The following ADGRG6 variants were observed in gnomAD, a reference collection of about 807,000 sequenced individuals.
The protein encoded by ADGRG6 is G-protein coupled receptor 126.
In ADGRG6, 84 loss-of-function variants were observed where a neutral mutation model predicts 142.4. The ratio of observed to expected loss-of-function variants is 0.59; its 90% CI spans 0.49 to 0.71. The LOEUF (loss-of-function observed/expected upper bound fraction) is 0.71, where lower values mean the gene tolerates loss of function less well. Ranked by LOEUF, ADGRG6 falls within the 30% of genes least tolerant of loss-of-function variation. The pLI is 0.00. For missense variants in ADGRG6, 1,367 were observed against 1,466.6 expected (o/e 0.93, Z 1.11); for synonymous variants, 521 against 520.5 (o/e 1.00, Z -0.01).
chr6:142,395,691 C>G (rs965130742), intron 9 of ADGRG6, among the ~76,000 whole-genome samples: 2 of 152,096 alleles, frequency 1.3e-5, no homozygotes, highest in Non-Finnish European at 2.9e-5. Context: ...GGTATGAACT[C>G]TTGCCATTAT....
At position 142,411,409 on chromosome 6, in the gene ADGRG6, A is replaced by T. The variant is rs747636352; in HGVS notation, c.2539A>T (p.Met847Leu). The T allele has an allele frequency of 6.7e-7, 1 of 1,494,616 alleles. No homozygotes were observed. The highest frequency in any genetic ancestry group is 9.3e-7 in the Non-Finnish European group (1 of 1,071,274). The allele number at this position is 1,494,616 out of a possible 1,614,324, so 92.6% of individuals were successfully genotyped here. ...CCACTTCACACACTTTGGAGTTCTG[A>T]TGGTAAGGGGGGAATTTCTAAGCTC... ...CNHFTHFGVLMDLPRSASQLD... is the reference protein window; with the variant it reads ...CNHFTHFGVLLDLPRSASQLD... The change falls in exon 18 of 25, where the codon ATG becomes TTG. Residue 847 changes from methionine (M) to leucine (L), a missense_variant and splice_region_variant. Coordinates refer to ENST00000367609, the MANE Select transcript of ADGRG6 (RefSeq NM_198569.3).
chr6:142,396,325 A>G (rs2114994317), intron 9 of ADGRG6, among the ~76,000 whole-genome samples: 1 of 152,304 alleles, frequency 6.6e-6, no homozygotes, highest in East Asian at 1.9e-4. Flanking sequence ...TGTTTGCCTC[A>G]TCCTGAAATA....
chr6:142,414,684 T>C (rs905804186), intron 18 of ADGRG6, among the ~76,000 whole-genome samples: 8 of 152,212 alleles, frequency 5.3e-5, no homozygotes, highest in Non-Finnish European at 8.8e-5. Flanking sequence ...TTGAGAGTCC[T>C]GGTGGTTTTG....
rs998304950 is a variant in ADGRG6, at chr6:142,394,867, G to A, written c.1424+909G>A. 2.0e-5 allele frequency among the ~76,000 whole-genome samples: 3 copies of A among 152,164 alleles called. No individual in the cohort carries two copies. In the South Asian group the frequency reaches 6.2e-4, roughly 32 times the overall value. On this transcript the variant is annotated intron_variant, in intron 9 of 24. Transcript: ENST00000367609. ...CCCCCCCAGAGTGCTGGGATTACAT[G>A]TACAGGCGTGAGATGTCATATCTGG...
rs1470413759 is a variant in ADGRG6, at chr6:142,317,876, TTA to T, written c.103+8240_103+8241del. Among the ~76,000 whole-genome samples, 407 of 77,562 alleles carry T rather than the reference TTA, an allele frequency of 5.2e-3. 16 individuals carry two copies. The highest frequency in any genetic ancestry group is 0.052 in the East Asian group (154 of 2,936). 50.9% of individuals were successfully genotyped at this position (77,562 alleles called of 152,430 possible). A position where few individuals can be genotyped will look rare whatever the true frequency, so the allele number is the denominator to read the frequency against. On this transcript the variant is annotated intron_variant, in intron 2 of 24. Coordinates refer to ENST00000367609, the MANE Select transcript of ADGRG6 (RefSeq NM_198569.3). Reference sequence around the variant, plus strand: ...TATATTTATATTATATTTTTATATATTATATATATTTATATTATATATTTATA... The same window carrying T: ...TATATTTATATTATATTTTTATATATTATATATTTATATTATATATTTATA...
chr6:142,325,473 C>T (rs548191579), intron 2 of ADGRG6, among the ~76,000 whole-genome samples: 22 of 152,224 alleles, frequency 1.4e-4, no homozygotes, highest in African/African-American at 4.3e-4. Context: ...GGGATTTTAA[C>T]TGAATTTTAT....
intron 2 of ADGRG6, among the ~76,000 whole-genome samples, chr6:142,335,392 C>G (rs1562319178): frequency 6.6e-6 from 1 of 151,818 alleles, no homozygotes. Flanking sequence ...AAATCGAAGG[C>G]CAGAATATAA....
At position 142,400,512 on chromosome 6, in the gene ADGRG6, A is replaced by G. The variant is rs1197928981; in HGVS notation, c.1595A>G (p.Lys532Arg). 1 of 1,592,168 alleles carries G rather than the reference A, an allele frequency of 6.3e-7. No individual in the cohort carries two copies. The highest frequency in any genetic ancestry group is 1.3e-5 in the African/African-American group (1 of 74,524). ...CATTGTCTTGCCATGGAGGAACCCA[A>G]AGGCTACTACTGGCCATCTATCCAA... ...LGHCLAMEEPKGYYWPSIQPS... is the reference protein window; with the variant it reads ...LGHCLAMEEPRGYYWPSIQPS... The change falls in exon 11 of 25, where the codon AAA becomes AGA. Residue 532 changes from lysine (K) to arginine (R), a missense_variant. By Grantham distance (26) the Lys-to-Arg change is conservative. Transcript: ENST00000367609.
At chr6:142,419,502 C>A (rs1475118209) in intron 21 of ADGRG6, among the ~76,000 whole-genome samples, 1 of 152,050 alleles carries the variant, frequency 6.6e-6, no homozygotes, top group Admixed American at 6.6e-5. Flanking sequence ...TACAGGCACC[C>A]AAAAGAAAAG....
intron 1 of ADGRG6, among the ~76,000 whole-genome samples, chr6:142,305,092 A>G (rs1416145344): frequency 6.6e-6 from 1 of 152,200 alleles, no homozygotes; most frequent in African/African-American, 2.4e-5. Flanking sequence ...TATTTGTAAT[A>G]GAAAACCATA....
chr6:142,362,827 T>G (rs1022571654), intron 2 of ADGRG6, among the ~76,000 whole-genome samples: 1 of 152,188 alleles, frequency 6.6e-6, no homozygotes, highest in Non-Finnish European at 1.5e-5. Flanking sequence ...CTTTACTGAC[T>G]TAGGTATTAG....
chr6:142,327,136 G>A (rs1369067691), intron 2 of ADGRG6, among the ~76,000 whole-genome samples: 1 of 151,976 alleles, frequency 6.6e-6, no homozygotes, highest in Non-Finnish European at 1.5e-5. Flanking sequence ...TAGATGTAAT[G>A]CAGTTGTCAG....
intron 2 of ADGRG6, among the ~76,000 whole-genome samples, chr6:142,353,859 T>C (rs1248543650): frequency 1.3e-5 from 2 of 152,206 alleles, no homozygotes; most frequent in Non-Finnish European, 2.9e-5. Flanking sequence ...TAGTGCTGTC[T>C]TTGTCTTTTG....
intron 22 of ADGRG6, among the ~76,000 whole-genome samples, chr6:142,425,854 G>A (rs778430510): frequency 9.2e-5 from 14 of 152,172 alleles, no homozygotes; most frequent in Non-Finnish European, 1.9e-4. Context: ...ATCTTATGTA[G>A]GTGGCGGTAG....
intron 6 of ADGRG6, among the ~76,000 whole-genome samples, chr6:142,384,982 G>A (rs1336062814): frequency 6.6e-6 from 1 of 152,014 alleles, no homozygotes; most frequent in Non-Finnish European, 1.5e-5. Flanking sequence ...AGCAACAGCA[G>A]CTGAAATTTC....
chr6:142,352,655 A>G (rs998107213), intron 2 of ADGRG6, among the ~76,000 whole-genome samples: 8 of 152,206 alleles, frequency 5.3e-5, no homozygotes, highest in African/African-American at 1.7e-4. Flanking sequence ...ATATATTTGT[A>G]TAAGTACATA....
chr6:142,394,462 G>C (rs1266300007), intron 9 of ADGRG6, among the ~76,000 whole-genome samples: 2 of 151,704 alleles, frequency 1.3e-5, no homozygotes, highest in Non-Finnish European at 2.9e-5. Flanking sequence ...ATGACCAGTT[G>C]GCATGTAAGG....
chr6:142,409,868 A>G lies in ADGRG6; in HGVS notation c.2389-6A>G. The stretch of plus-strand genomic sequence containing the variant: ...ATTTCACATGTTTATTCTTATGTTA[A>G]TATAGGAAGTGCATCATCCCATCTG... On this transcript the variant is annotated splice_region_variant and splice_polypyrimidine_tract_variant and intron_variant, in intron 16 of 24. Transcript: ENST00000367609. The G allele has an allele frequency of 7.2e-7, 1 of 1,380,724 alleles. No individual in the cohort carries two copies. Among genetic ancestry groups the G allele is most frequent in the Non-Finnish European group, 1.0e-6 (1 of 991,296 alleles). 85.5% of individuals were successfully genotyped at this position (1,380,724 alleles called of 1,614,324 possible).
chr6:142,302,616 A>C (rs897279252), intron 1 of ADGRG6: 3 of 428,872 alleles, frequency 7.0e-6, no homozygotes, highest in Non-Finnish European at 1.2e-5. Context: ...GCAGGGCTTC[A>C]AGAATGGGGA....
Sources: allele counts gnomAD v4.1 joint callset (sites outside exome capture counted in the v4.1 genomes callset), GRCh38; gene constraint gnomAD v4.1.1; transcripts MANE v1.5; gene names NCBI Gene and HGNC (gene_info 2026-07-23, HGNC 2026-07-21).